Variants in SLIT1 observed in about 807,000 individuals in gnomAD.
The protein encoded by SLIT1 is slit homolog 1 protein.
A neutral mutation model predicts 186.1 loss-of-function variants in SLIT1; 66 were observed. That is an observed-to-expected ratio of 0.35 (90% confidence interval 0.29 to 0.44). The LOEUF is 0.44. Ranked by LOEUF, SLIT1 falls within the 20% of genes least tolerant of loss-of-function variation. SLIT1 has a pLI of 1.00. For missense variants in SLIT1, 1,638 were observed against 2,037.4 expected, an observed-to-expected ratio of 0.80 and a Z score of 3.77; for synonymous variants, 761 against 833.8, an observed-to-expected ratio of 0.91 and a Z score of 1.50.
At chr10:97,029,693 G>A (rs578165222) in intron 25 of SLIT1, among the ~76,000 whole-genome samples, 10 of 152,282 alleles carry the variant, frequency 6.6e-5, no homozygotes, top group African/African-American at 2.4e-4. Context: ...CACATTGATT[G>A]TATTCACAGT....
At chr10:97,164,402 A>G (rs1850074500) in intron 2 of SLIT1, among the ~76,000 whole-genome samples, 1 of 152,162 alleles carries the variant, frequency 6.6e-6, no homozygotes, top group Admixed American at 6.5e-5. Flanking sequence ...GGGAGAGAGC[A>G]TGGGCCTCCC....
intron 4 of SLIT1, among the ~76,000 whole-genome samples, chr10:97,124,408 C>T (rs1849586094): frequency 2.0e-5 from 3 of 152,216 alleles, no homozygotes; most frequent in East Asian, 1.9e-4. Flanking sequence ...TGCCCTCCCT[C>T]GAGCTTTGCT....
At chr10:97,097,565 TC>T (rs1341360418) in intron 4 of SLIT1, among the ~76,000 whole-genome samples, 2 of 152,238 alleles carry the variant, frequency 1.3e-5, no homozygotes, top group African/African-American at 4.8e-5. Flanking sequence ...TAGATTTCTT[TC>T]TTTATCAAAG....
chr10:97,119,058 A>G (rs990303786), intron 4 of SLIT1, among the ~76,000 whole-genome samples: 2 of 152,252 alleles, frequency 1.3e-5, no homozygotes, highest in South Asian at 4.1e-4. Context: ...CCATTCAGGC[A>G]GGCACTGCCT....
At chr10:97,120,834 T>C (rs1849554468) in intron 4 of SLIT1, among the ~76,000 whole-genome samples, 1 of 152,168 alleles carries the variant, frequency 6.6e-6, no homozygotes, top group Non-Finnish European at 1.5e-5. Flanking sequence ...TCTGACTCTC[T>C]CTCCCTACCC....
In SLIT1 at chr10:97,043,283, G is replaced by A. The variant is rs1589372461; in HGVS notation, c.1997+87C>T. 2 of 1,544,942 alleles carry A rather than the reference G, an allele frequency of 1.3e-6. No homozygotes were observed. Among genetic ancestry groups the A allele is most frequent in the East Asian group, 2.2e-5 (1 of 44,544 alleles). On this transcript the variant is annotated intron_variant, in intron 19 of 36. Coordinates refer to ENST00000266058, the MANE Select transcript of SLIT1 (RefSeq NM_003061.3). The surrounding 1 kb of genome is among the most constrained non-coding windows in gnomAD (Gnocchi z 7.0). ...AAACCACGAAGACCCAGCACCCCCA[G>A]GGTGAGCTCTTTCAAAGTGGCTGGC...
intron 20 of SLIT1, among the ~76,000 whole-genome samples, chr10:97,042,187 GAGTA>G (rs1413857170): frequency 1.3e-5 from 2 of 152,158 alleles, no homozygotes; most frequent in Admixed American, 6.5e-5. Context: ...CTGCCACTGG[GAGTA>G]GGCTGCAGGG....
intron 4 of SLIT1, among the ~76,000 whole-genome samples, chr10:97,084,035 C>T (rs558029973): frequency 1.3e-5 from 2 of 152,204 alleles, no homozygotes; most frequent in Admixed American, 6.5e-5. Context: ...GTGGAAGTGA[C>T]GGCCAGCTCT....
At chr10:97,083,446 A>G (rs1849125543) in intron 4 of SLIT1, among the ~76,000 whole-genome samples, 1 of 152,150 alleles carries the variant, frequency 6.6e-6, no homozygotes, top group Admixed American at 6.5e-5. Flanking sequence ...CACTTGATGG[A>G]TGAACTTGGA....
chr10:97,185,798 G>A lies in SLIT1; in HGVS notation c.-124C>T. The stretch of plus-strand genomic sequence containing the variant: ...CGAAGAGCCCGCGGGCTTGCGCGCG[G>A]CGCCCCTGCGGGCTGGGAGGCACCT... On this transcript the variant is annotated 5_prime_UTR_variant, in exon 1 of 37. Coordinates refer to ENST00000266058, the MANE Select transcript of SLIT1 (RefSeq NM_003061.3). The A allele has an allele frequency of 1.2e-6, 1 of 867,128 alleles. No homozygotes were observed. Among genetic ancestry groups the A allele is most frequent in the Non-Finnish European group, 1.6e-6 (1 of 617,718 alleles). The allele number at this position is 867,128 out of a possible 1,614,324, so 53.7% of individuals were successfully genotyped here.
intron 4 of SLIT1, chr10:97,155,450 C>T (rs1308725687): frequency 1.3e-5 from 2 of 152,218 alleles, no homozygotes; most frequent in Non-Finnish European, 2.9e-5. Flanking sequence ...GCAGAGCTAC[C>T]CTTTACCCCC....
rs1443959541 is a variant in SLIT1, at chr10:97,105,084, G to GAT, written c.414-39000_414-38999dup. 3.3e-5 allele frequency among the ~76,000 whole-genome samples: 5 copies of GAT among 152,296 alleles called. No individual in the cohort carries two copies. The East Asian group carries it at 9.6e-4, about 29-fold the overall frequency. On this transcript the variant is annotated intron_variant, in intron 4 of 36. Coordinates refer to ENST00000266058, the MANE Select transcript of SLIT1 (RefSeq NM_003061.3). ...CCCTCCATGTGACAGAGACCTGGCCGATACTCAGCCAAGATGCTGAGGGGG... is the reference window on the plus strand; with the variant it reads ...CCCTCCATGTGACAGAGACCTGGCCGATATACTCAGCCAAGATGCTGAGGGGG...
intron 4 of SLIT1, among the ~76,000 whole-genome samples, chr10:97,144,348 T>C (rs1849795686): frequency 6.6e-6 from 1 of 152,216 alleles, no homozygotes; most frequent in Non-Finnish European, 1.5e-5. Flanking sequence ...TTCATGTTAA[T>C]ATTCATGCCA....
In SLIT1 at chr10:97,148,289, CTT is replaced by C. The variant is rs34334845; in HGVS notation, c.413+9527_413+9528del. 3.2e-3 allele frequency among the ~76,000 whole-genome samples: 464 copies of C among 144,894 alleles called. 3 individuals carry two copies. Among genetic ancestry groups the C allele is most frequent in the African/African-American group, 0.011 (431 of 39,462 alleles). On this transcript the variant is annotated intron_variant, in intron 4 of 36. Coordinates refer to ENST00000266058, the MANE Select transcript of SLIT1 (RefSeq NM_003061.3). ...AATTACATATTGCTTTAGTACTAAGCTTTTTTTTTTTTTTCCTGAGGCAGGGT... is the reference window on the plus strand; with the variant it reads ...AATTACATATTGCTTTAGTACTAAGCTTTTTTTTTTTTCCTGAGGCAGGGT...
At chr10:97,126,045 C>G (rs1253808833) in intron 4 of SLIT1, among the ~76,000 whole-genome samples, 1 of 152,120 alleles carries the variant, frequency 6.6e-6, no homozygotes, top group African/African-American at 2.4e-5. Flanking sequence ...CCACATGAAG[C>G]TATTTTAGTA....
At chr10:97,014,432 CAG>C (rs1419217790) in intron 28 of SLIT1, among the ~76,000 whole-genome samples, 1 of 151,972 alleles carries the variant, frequency 6.6e-6, no homozygotes. Context: ...GGAGCGGGCA[CAG>C]AGGGGCAGGA....
rs1437570798 is a variant in SLIT1, at chr10:97,004,009, T to A, written c.3865+59A>T. Reference sequence around the variant, plus strand: ...CACAGTGCAGTCCCTAGGCACCAGCTCTCCTGGCTGGCCTCAGGCCAGACA... The same window carrying A: ...CACAGTGCAGTCCCTAGGCACCAGCACTCCTGGCTGGCCTCAGGCCAGACA... On this transcript the variant is annotated intron_variant, in intron 34 of 36. Transcript: ENST00000266058. The surrounding 1 kb of genome is among the most constrained non-coding windows in gnomAD (Gnocchi z 5.1). The A allele has an allele frequency of 5.5e-6, 8 of 1,462,196 alleles. No homozygotes were observed. The highest frequency in any genetic ancestry group is 1.4e-5 in the African/African-American group (1 of 70,938). 90.6% of individuals were successfully genotyped at this position (1,462,196 alleles called of 1,614,324 possible). A position where few individuals can be genotyped will look rare whatever the true frequency, so the allele number is the denominator to read the frequency against.
intron 6 of SLIT1, among the ~76,000 whole-genome samples, chr10:97,064,572 C>T (rs760158264): frequency 2.6e-5 from 4 of 152,096 alleles, no homozygotes; most frequent in African/African-American, 9.7e-5. Context: ...AGAAGCATTC[C>T]AGGCCAAGTG....
chr10:97,064,359 C>T, intron 6 of SLIT1, 120 bp from the exon 7 acceptor site: 1 of 791,900 alleles, frequency 1.3e-6, no homozygotes, highest in Non-Finnish European at 2.2e-6. Context: ...CGGGGCTGGA[C>T]ATGGAGGAGC....
Sources: gnomAD v4.1 joint callset for allele counts (sites outside exome capture counted in the v4.1 genomes callset) on GRCh38, gnomAD v4.1.1 for gene constraint, Gnocchi (gnomAD v3.1) non-coding constraint, MANE v1.5 for transcripts, NCBI Gene and HGNC (gene_info 2026-07-23, HGNC 2026-07-21) for gene names.